The following SCAPER variants were observed in gnomAD, a reference collection of about 807,000 sequenced individuals.
SCAPER encodes S-phase cyclin A associated protein in the ER, also known as S phase cyclin A-associated protein in the endoplasmic reticulum.
Under a neutral mutation model 182.2 loss-of-function variants are expected in SCAPER, and 98 were observed. The observed-to-expected ratio is 0.54, with a 90% CI of 0.46 to 0.64. The LOEUF is 0.64. SCAPER is among the 30% of genes least tolerant of loss of function. The probability of loss-of-function intolerance (pLI) is 0.00; values close to 1 mark genes in which losing one functional copy is unlikely to be tolerated. For synonymous variants in SCAPER, 605 were observed against 564.6 expected (o/e 1.07, Z -1.01); for missense variants, 1,432 against 1,690.0 (o/e 0.85, Z 2.68).
chr15:76,832,460 T>G (rs374255818), intron 5 of SCAPER, among the ~76,000 whole-genome samples: 18 of 152,212 alleles, frequency 1.2e-4, no homozygotes, highest in African/African-American at 4.1e-4. Flanking sequence ...ACAAAACCTC[T>G]GAGAAATATG....
chr15:76,606,995 T>C (rs2145871800), intron 22 of SCAPER, among the ~76,000 whole-genome samples: 1 of 152,380 alleles, frequency 6.6e-6, no homozygotes, highest in Non-Finnish European at 1.5e-5. Context: ...GTCTTTTAAT[T>C]GGAGCATTTA....
At chr15:76,610,468 T>C (rs1176839207) in intron 22 of SCAPER, among the ~76,000 whole-genome samples, 2 of 152,004 alleles carry the variant, frequency 1.3e-5, no homozygotes, top group African/African-American at 2.4e-5. Context: ...ATAAATAAAA[T>C]GCATCCAATT....
chr15:76,558,440 G>C (rs1310566794), intron 23 of SCAPER, among the ~76,000 whole-genome samples: 2 of 152,132 alleles, frequency 1.3e-5, no homozygotes, highest in Non-Finnish European at 2.9e-5. Context: ...AGATACCATT[G>C]ATCTCACTGA....
At chr15:76,478,502 G>C (rs140220878) in intron 24 of SCAPER, among the ~76,000 whole-genome samples, 43 of 151,968 alleles carry the variant, frequency 2.8e-4, no homozygotes, top group African/African-American at 9.2e-4. Context: ...TATGAGATGA[G>C]GTAATTATTC....
chr15:76,759,215 C>T (rs975912548), intron 14 of SCAPER, among the ~76,000 whole-genome samples: 5 of 151,962 alleles, frequency 3.3e-5, no homozygotes, highest in Admixed American at 6.6e-5. Context: ...CATATATGGG[C>T]GGTCTTAGTC....
intron 21 of SCAPER, among the ~76,000 whole-genome samples, chr15:76,658,168 T>C (rs1200780828): frequency 1.3e-5 from 2 of 152,054 alleles, no homozygotes; most frequent in African/African-American, 2.4e-5. Context: ...GAAAACCCCA[T>C]AGTTTCTACC....
rs758607112 is a variant in SCAPER at position 76,354,122 on chromosome 15, G to A, written c.3874C>T (p.Arg1292Cys). 22 of 1,606,072 alleles carry A rather than the reference G, an allele frequency of 1.4e-5. No homozygotes were observed. Among genetic ancestry groups the A allele is most frequent in the South Asian group, 1.1e-4 (10 of 89,630 alleles). ...AGCTTCTGCAGCACTGTGGGGTGGC[G>A]GCCGGACTGCACGATCACCTGAAAT... is the stretch of plus-strand genomic sequence containing the variant. ...PDNQVIVQSG[R>C]HPTVLQKLCQ... The change falls in exon 30 of 32, where the codon CGC becomes TGC. Residue 1292 changes from arginine to cysteine, a missense_variant. Arg to Cys is a radical substitution (Grantham distance 180). Coordinates refer to ENST00000563290, the MANE Select transcript of SCAPER (RefSeq NM_020843.4). This position sits in a 1 kb window ranked among gnomAD's most constrained non-coding sequence, Gnocchi z 4.4.
intron 23 of SCAPER, among the ~76,000 whole-genome samples, chr15:76,561,257 C>G (rs777918430): frequency 3.4e-4 from 52 of 152,218 alleles, no homozygotes; most frequent in Non-Finnish European, 5.6e-4. Flanking sequence ...GCCAAAAGAG[C>G]TTATAATTTA....
rs150958013 is a variant in SCAPER at position 76,460,404 on chromosome 15, T to A, written c.3078+10808A>T. ...ATGTTACCGATTTTTATAAGTTGAT[T>A]TTGTATTCTGCAACTTTACTGAATT... On this transcript the variant is annotated intron_variant, in intron 25 of 31. Transcript: ENST00000563290. Among the ~76,000 whole-genome samples the A allele has an allele frequency of 1.4e-3, 206 of 152,278 alleles. 3 individuals carry two copies. In the East Asian group the frequency reaches 0.034, roughly 25 times the overall value.
At chr15:76,480,612 CAA>C (rs1405354737) in intron 24 of SCAPER, among the ~76,000 whole-genome samples, 1 of 152,232 alleles carries the variant, frequency 6.6e-6, no homozygotes, top group Non-Finnish European at 1.5e-5. Flanking sequence ...CTGTGCAGCA[CAA>C]AGTCTGGCTG....
chr15:76,360,768 T>C (rs1431164262), intron 29 of SCAPER, among the ~76,000 whole-genome samples: 3 of 152,162 alleles, frequency 2.0e-5, no homozygotes, highest in Non-Finnish European at 4.4e-5. Flanking sequence ...CAAGGGTTTG[T>C]CTCAAATTAT....
chr15:76,365,954 T>C (rs900325439), intron 29 of SCAPER, among the ~76,000 whole-genome samples: 65 of 152,180 alleles, frequency 4.3e-4, no homozygotes, highest in Admixed American at 7.2e-4. Context: ...GAGAAGGCGC[T>C]TATAATATTT....
chr15:76,820,541 A>G (rs1308817916), intron 5 of SCAPER, among the ~76,000 whole-genome samples: 1 of 143,468 alleles, frequency 7.0e-6, no homozygotes. Flanking sequence ...TTGAACAATG[A>G]GAACATAAGG....
At chr15:76,723,444 G>T (rs1455413951) in intron 17 of SCAPER, among the ~76,000 whole-genome samples, 2 of 152,110 alleles carry the variant, frequency 1.3e-5, no homozygotes, top group Non-Finnish European at 2.9e-5. Context: ...ATGTCTATTA[G>T]GTCTGCTTGG....
intron 24 of SCAPER, among the ~76,000 whole-genome samples, chr15:76,471,792 G>C (rs537040228): frequency 6.6e-6 from 1 of 152,180 alleles, no homozygotes; most frequent in Non-Finnish European, 1.5e-5. Flanking sequence ...CTCCATGTAA[G>C]ATAAGACCCC....
At chr15:76,623,901 A>G (rs1425279033) in intron 21 of SCAPER, among the ~76,000 whole-genome samples, 2 of 152,194 alleles carry the variant, frequency 1.3e-5, no homozygotes, top group Non-Finnish European at 2.9e-5. Context: ...TTGAAGGAAC[A>G]TACCTCAAAA....
chr15:76,753,819 C>A lies in SCAPER; in HGVS notation c.1855G>T (p.Glu619Ter). ...LQAIVKKAQEEEAKVNEIAFI... is the reference protein window; with the variant it reads ...LQAIVKKAQE ...CTCTTATGATATACCTTAGCTTCTT[C>A]TTCTTGTGCTTTTTTCACAATTGCT... is the stretch of plus-strand genomic sequence containing the variant. Residue 619 changes from glutamate (E) to a stop codon, truncating the protein, a stop_gained, in exon 15 of 32, where the codon GAA becomes TAA. Coordinates refer to ENST00000563290, the MANE Select transcript of SCAPER (RefSeq NM_020843.4). LOFTEE classifies it high-confidence loss of function. 1 of 1,612,268 alleles carries A rather than the reference C, an allele frequency of 6.2e-7. No homozygotes were observed. The highest frequency in any genetic ancestry group is 8.5e-7 in the Non-Finnish European group (1 of 1,178,886).
intron 10 of SCAPER, among the ~76,000 whole-genome samples, chr15:76,770,041 C>A (rs867188537): frequency 6.6e-6 from 1 of 152,060 alleles, no homozygotes; most frequent in East Asian, 1.9e-4. Context: ...AGGATGAGTT[C>A]ATGTCCTTTG....
chr15:76,390,921 C>T (rs1362694402), intron 27 of SCAPER, among the ~76,000 whole-genome samples: 1 of 152,204 alleles, frequency 6.6e-6, no homozygotes, highest in East Asian at 1.9e-4. Flanking sequence ...CTGGCTTCCA[C>T]TCTTGCTTCT....
Sources: gnomAD v4.1 joint callset for allele counts (sites outside exome capture counted in the v4.1 genomes callset) on GRCh38, gnomAD v4.1.1 for gene constraint, Gnocchi (gnomAD v3.1) non-coding constraint, MANE v1.5 for transcripts, NCBI Gene and HGNC (gene_info 2026-07-23, HGNC 2026-07-21) for gene names.